Variants in LRBA observed in about 807,000 individuals in gnomAD.
The protein encoded by LRBA is LPS responsive beige-like anchor protein.
In LRBA, 176 loss-of-function variants were observed where a neutral mutation model predicts 330.0. The observed-to-expected ratio is 0.53, with a 90% CI of 0.47 to 0.60. The LOEUF (loss-of-function observed/expected upper bound fraction) is 0.60. Ranked by LOEUF, LRBA falls within the 20% of genes least tolerant of loss-of-function variation. The probability of loss-of-function intolerance (pLI) is 0.00; values close to 1 mark genes in which losing one functional copy is unlikely to be tolerated. For missense variants in LRBA, 3,259 were observed against 3,444.8 expected, an observed-to-expected ratio of 0.95 and a Z score of 1.35; for synonymous variants, 1,230 against 1,193.0, an observed-to-expected ratio of 1.03 and a Z score of -0.64.
chr4:150,409,287 A>G (rs1746628332), intron 47 of LRBA, among the ~76,000 whole-genome samples: 1 of 152,106 alleles, frequency 6.6e-6, no homozygotes, highest in East Asian at 1.9e-4. Context: ...TTGATTTCAG[A>G]CCTCTGGACT....
intron 35 of LRBA, among the ~76,000 whole-genome samples, chr4:150,744,623 T>C (rs1407708668): frequency 1.3e-5 from 2 of 152,232 alleles, no homozygotes; most frequent in Admixed American, 6.5e-5. Flanking sequence ...TATTACATTA[T>C]AGACTAGGCT....
intron 40 of LRBA, among the ~76,000 whole-genome samples, chr4:150,519,438 G>A (rs1762697296): frequency 6.6e-6 from 1 of 151,984 alleles, no homozygotes; most frequent in Admixed American, 6.6e-5. Flanking sequence ...CCTAATCTAC[G>A]CATGATACAC....
Position 150,351,559 on chromosome 4 carries a change from G to A in LRBA, c.7195-1400C>T, listed in dbSNP as rs202211677. ...AAAAAATTAGCCGGGCGTGGTGGCG[G>A]GCGCCTGTAGTCCCAGCTACCCGGG... On this transcript the variant is annotated intron_variant, in intron 47 of 56. Coordinates refer to ENST00000651943, the MANE Select transcript of LRBA (RefSeq NM_001364905.1). 3.3e-5 allele frequency among the ~76,000 whole-genome samples: 5 copies of A among 151,994 alleles called. No individual in the cohort carries two copies. The East Asian group carries it at 7.7e-4, about 24-fold the overall frequency.
intron 56 of LRBA, 72 bp from the exon 57 acceptor site, chr4:150,265,884 C>T: frequency 2.2e-6 from 2 of 890,494 alleles, no homozygotes; most frequent in Non-Finnish European, 3.8e-6. Flanking sequence ...AACTGCTCTC[C>T]CCAAATCCAC....
chr4:150,828,968 T>G (rs1746740589), intron 29 of LRBA, among the ~76,000 whole-genome samples: 1 of 150,662 alleles, frequency 6.6e-6, no homozygotes. Flanking sequence ...TGTGTGTCAG[T>G]CTGTTGCCCA....
intron 37 of LRBA, among the ~76,000 whole-genome samples, chr4:150,683,157 A>T (rs1783200123): frequency 6.6e-6 from 1 of 152,154 alleles, no homozygotes; most frequent in Admixed American, 6.5e-5. Context: ...AAAAAATATA[A>T]AAAGAGCATA....
intron 37 of LRBA, among the ~76,000 whole-genome samples, chr4:150,666,546 A>G (rs1781575156): frequency 6.6e-6 from 1 of 152,164 alleles, no homozygotes; most frequent in South Asian, 2.1e-4. Flanking sequence ...AATTTAAAAT[A>G]TAGTAAAACA....
At chr4:150,288,866 G>C (rs1160904150) in intron 53 of LRBA, among the ~76,000 whole-genome samples, 2 of 136,886 alleles carry the variant, frequency 1.5e-5, no homozygotes, top group East Asian at 4.3e-4. Flanking sequence ...GAATTGTCTT[G>C]GAATTCCTCA....
At chr4:150,927,582 T>C (rs1330616259) in intron 4 of LRBA, among the ~76,000 whole-genome samples, 5 of 152,018 alleles carry the variant, frequency 3.3e-5, no homozygotes, top group African/African-American at 1.2e-4. Flanking sequence ...ATATCTGTAA[T>C]TGGAGTCCCA....
At chr4:150,872,610 A>T in intron 18 of LRBA, 53 bp downstream of exon 18, 1 of 1,198,290 alleles carries the variant, frequency 8.3e-7, no homozygotes. Flanking sequence ...GCAAAGATTT[A>T]TAAAATAAAT....
At chr4:150,337,667 T>C (rs78600638) in intron 48 of LRBA, among the ~76,000 whole-genome samples, 5,096 of 152,240 alleles carry the variant, frequency 0.033, 259 homozygotes, top group African/African-American at 0.11. Context: ...AGGTACTTCA[T>C]GATTATTTCT....
chr4:150,522,342 G>T (rs888754001), intron 40 of LRBA, among the ~76,000 whole-genome samples: 7 of 152,194 alleles, frequency 4.6e-5, no homozygotes, highest in African/African-American at 7.2e-5. Context: ...TTGTTGTCAA[G>T]AGTAGAATAT....
At chr4:150,713,714 G>A (rs1427296723) in intron 36 of LRBA, among the ~76,000 whole-genome samples, 1 of 152,146 alleles carries the variant, frequency 6.6e-6, no homozygotes, top group Non-Finnish European at 1.5e-5. Flanking sequence ...TACCGTAAGT[G>A]ATGATCTAAA....
At chr4:150,979,395 A>G (rs1740580175) in intron 2 of LRBA, among the ~76,000 whole-genome samples, 1 of 152,254 alleles carries the variant, frequency 6.6e-6, no homozygotes. Flanking sequence ...AAAGGAAGTT[A>G]GTTCCTCAAT....
intron 36 of LRBA, among the ~76,000 whole-genome samples, chr4:150,707,384 T>A (rs1785731932): frequency 6.6e-6 from 1 of 151,662 alleles, no homozygotes; most frequent in South Asian, 2.1e-4. Context: ...GAAAGACCTA[T>A]ACTTTTAAAA....
chr4:150,680,049 C>T (rs562281939), intron 37 of LRBA, among the ~76,000 whole-genome samples: 10 of 152,256 alleles, frequency 6.6e-5, no homozygotes, highest in Non-Finnish European at 1.3e-4. Context: ...TGATTTGTCT[C>T]CTGACCCAAA....
At chr4:150,689,482 A>G (rs1783924485) in intron 36 of LRBA, among the ~76,000 whole-genome samples, 2 of 152,078 alleles carry the variant, frequency 1.3e-5, no homozygotes, top group South Asian at 4.1e-4. Context: ...AATATTTTTA[A>G]AAAGTCCTAA....
At position 151,008,969 on chromosome 4, in the gene LRBA, C is replaced by CAAAA. The variant is rs1216990774; in HGVS notation, c.216+5454_216+5457dup. Among the ~76,000 whole-genome samples, 17 of 1,884 alleles carry CAAAA rather than the reference C, an allele frequency of 9.0e-3. 3 individuals are homozygous for CAAAA. The highest frequency in any genetic ancestry group is 0.042 in the Admixed American group (1 of 24). The allele number at this position is 1,884 out of a possible 152,430, so 1.2% of individuals were successfully genotyped here. On this transcript the variant is annotated intron_variant, in intron 2 of 56. Transcript: ENST00000651943. ...TGGGTGGCAGAGTGAGACTCCATCT[C>CAAAA]AAAAAAAAAAAAAAAAAAAATATAT...
Position 150,808,404 on chromosome 4 carries a change from A to G in LRBA, c.5306-6T>C. Reference sequence around the variant, plus strand: ...TGCATTAGATGATCTACTGCCTATAAAAGAAAAATAACCATCTATAGGAAT... The same window carrying G: ...TGCATTAGATGATCTACTGCCTATAGAAGAAAAATAACCATCTATAGGAAT... On this transcript the variant is annotated splice_polypyrimidine_tract_variant and splice_region_variant and intron_variant, in intron 31 of 56. Transcript: ENST00000651943. 1 of 1,544,860 alleles carries G rather than the reference A, an allele frequency of 6.5e-7. No individual in the cohort carries two copies. Among genetic ancestry groups the G allele is most frequent in the South Asian group, 1.1e-5 (1 of 88,514 alleles).
Sources: allele counts gnomAD v4.1 joint callset (sites outside exome capture counted in the v4.1 genomes callset), GRCh38; gene constraint gnomAD v4.1.1; transcripts MANE v1.5; gene names NCBI Gene and HGNC (gene_info 2026-07-23, HGNC 2026-07-21).